Variants in LRP1B observed in about 807,000 individuals in gnomAD.
The protein encoded by LRP1B is LDL receptor related protein 1B.
A neutral mutation model predicts 556.6 loss-of-function variants in LRP1B; 217 were observed. The observed-to-expected ratio is 0.39, with a 90% confidence interval of 0.35 to 0.44. LRP1B has a LOEUF of 0.44. Ranked by LOEUF, LRP1B falls within the 20% of genes least tolerant of loss-of-function variation. LRP1B has a pLI of 1.00. For synonymous variants in LRP1B, 2,047 were observed against 1,865.8 expected, an observed-to-expected ratio of 1.10 and a Z score of -2.50; for missense variants, 5,053 against 5,620.8, an observed-to-expected ratio of 0.90 and a Z score of 3.23.
Position 140,606,144 on chromosome 2 carries a change from A to G in LRP1B, c.6800-4505T>C, listed in dbSNP as rs374606560. Among the ~76,000 whole-genome samples, 41 of 152,210 alleles carry G rather than the reference A, an allele frequency of 2.7e-4. No homozygotes were observed. The East Asian group carries it at 7.3e-3, about 27-fold the overall frequency. On this transcript the variant is annotated intron_variant, in intron 41 of 90. Coordinates refer to ENST00000389484, the MANE Select transcript of LRP1B (RefSeq NM_018557.3). Reference sequence around the variant, plus strand: ...ACTGGTATATACAAAATCTTAAATAATTTAATAGAAATGTATACTCAGGAT... The same window carrying G: ...ACTGGTATATACAAAATCTTAAATAGTTTAATAGAAATGTATACTCAGGAT...
intron 7 of LRP1B, among the ~76,000 whole-genome samples, chr2:141,120,675 T>C (rs556267038): frequency 9.8e-4 from 149 of 152,182 alleles, no homozygotes; most frequent in African/African-American, 3.4e-3. Flanking sequence ...TTTAAAGTTT[T>C]ATAATTTTAT....
At chr2:141,991,059 T>C (rs1389165856) in intron 1 of LRP1B, among the ~76,000 whole-genome samples, 3 of 152,086 alleles carry the variant, frequency 2.0e-5, no homozygotes, top group Non-Finnish European at 4.4e-5. Context: ...CATCATATCA[T>C]ACTGAAGGCT....
rs779990606 is a variant in LRP1B, at chr2:141,188,532, T to C, written c.902A>G (p.Asp301Gly). Residue 301 changes from aspartate (D) to glycine (G), a missense_variant, in exon 7 of 91, where the codon GAC becomes GGC. By Grantham distance (94) the Asp-to-Gly change is moderately conservative. This residue lies in a region of LRP1B where 3,619 missense variants were observed against 3,931.9 expected (regional missense o/e 0.92). Transcript: ENST00000389484. ...AACAAAGATCCGGTCACCGACATGGTCCACAAAATAGAGATTTCGAGTGAG... is the reference window on the plus strand; with the variant it reads ...AACAAAGATCCGGTCACCGACATGGCCCACAAAATAGAGATTTCGAGTGAG... ...DWLTRNLYFV[D>G]HVGDRIFVCN... 21 of 1,612,772 alleles carry C rather than the reference T, an allele frequency of 1.3e-5. No individual in the cohort carries two copies. Among genetic ancestry groups the C allele is most frequent in the Non-Finnish European group, 1.6e-5 (19 of 1,179,226 alleles).
rs745524571 is a variant in LRP1B at position 140,291,320 on chromosome 2, T to TATAA, written c.12967+6487_12967+6488insTTAT. ...ATTTTATATATATATATATATATAT[T>TATAA]TTTATTATACTTTAAGTTCTAGGGT... On this transcript the variant is annotated intron_variant, in intron 84 of 90. Coordinates refer to ENST00000389484, the MANE Select transcript of LRP1B (RefSeq NM_018557.3). Among the ~76,000 whole-genome samples the TATAA allele has an allele frequency of 9.8e-4, 51 of 51,876 alleles. 4 individuals carry two copies. The highest frequency in any genetic ancestry group is 1.6e-3 in the Non-Finnish European group (41 of 25,858). The allele number at this position is 51,876 out of a possible 152,430, so 34.0% of individuals were successfully genotyped here. A position where few individuals can be genotyped will look rare whatever the true frequency, so the allele number is the denominator to read the frequency against.
chr2:141,222,974 CACAAG>C (rs756997202), intron 6 of LRP1B, among the ~76,000 whole-genome samples: 1 of 152,102 alleles, frequency 6.6e-6, no homozygotes, highest in Admixed American at 6.5e-5. Context: ...TGAAAACCAG[CACAAG>C]ACAAGGATGC....
intron 1 of LRP1B, among the ~76,000 whole-genome samples, chr2:141,861,900 A>C (rs1663970046): frequency 6.6e-6 from 1 of 151,952 alleles, no homozygotes; most frequent in Non-Finnish European, 1.5e-5. Flanking sequence ...ACTGCACTTT[A>C]GCCTGGGCAA....
At chr2:141,664,094 C>A (rs1352366251) in intron 2 of LRP1B, among the ~76,000 whole-genome samples, 1 of 152,100 alleles carries the variant, frequency 6.6e-6, no homozygotes, top group African/African-American at 2.4e-5. Flanking sequence ...ATACACAAAT[C>A]AATAAAAGTA....
chr2:141,185,888 A>G (rs2460116), intron 7 of LRP1B, among the ~76,000 whole-genome samples: 125,289 of 151,180 alleles, frequency 0.83, 53,164 homozygotes, highest in Non-Finnish European at 0.93. Context: ...AGACCAACCT[A>G]GCCAATGTGG....
At chr2:142,080,098 T>TA (rs11324880) in intron 1 of LRP1B, among the ~76,000 whole-genome samples, 154 of 149,354 alleles carry the variant, frequency 1.0e-3, no homozygotes, top group South Asian at 3.2e-3. Context: ...TATGAGTGGT[T>TA]AAAAAAAAAA....
intron 2 of LRP1B, among the ~76,000 whole-genome samples, chr2:141,489,542 T>G (rs1683255767): frequency 6.6e-6 from 1 of 151,968 alleles, no homozygotes; most frequent in Admixed American, 6.6e-5. Context: ...TTGGGAAAAT[T>G]AGTATATAAT....
chr2:140,596,689 A>G (rs568314705), intron 43 of LRP1B, among the ~76,000 whole-genome samples: 59 of 152,276 alleles, frequency 3.9e-4, no homozygotes, highest in South Asian at 2.7e-3. Flanking sequence ...AAGTGTTTTC[A>G]AATTTAGCAT....
intron 86 of LRP1B, among the ~76,000 whole-genome samples, chr2:140,248,676 T>C (rs757450615): frequency 1.6e-4 from 25 of 151,792 alleles, no homozygotes; most frequent in Non-Finnish European, 1.3e-4. Context: ...TGTTTGTTTT[T>C]TCTTTTTAAT....
rs1299763635 is a variant in LRP1B at position 140,748,323 on chromosome 2, TATATATTATATTC to T, written c.5758+20877_5758+20889del. Among the ~76,000 whole-genome samples, 37 of 124,762 alleles carry T rather than the reference TATATATTATATTC, an allele frequency of 3.0e-4. 1 individual carries two copies. Among genetic ancestry groups the T allele is most frequent in the East Asian group, 6.9e-4 (3 of 4,348 alleles). The allele number at this position is 124,762 out of a possible 152,430, so 81.8% of individuals were successfully genotyped here. ...ATTCATATATTATATTCATATATAA[TATATATTATATTC>T]ATATATTATATTCATATATAATATA... On this transcript the variant is annotated intron_variant, in intron 35 of 90. Coordinates refer to ENST00000389484, the MANE Select transcript of LRP1B (RefSeq NM_018557.3).
intron 3 of LRP1B, among the ~76,000 whole-genome samples, chr2:141,271,654 T>C (rs970629817): frequency 4.6e-5 from 7 of 151,512 alleles, no homozygotes; most frequent in African/African-American, 1.7e-4. Flanking sequence ...TTTACAAAAT[T>C]AGAATTCAAA....
intron 2 of LRP1B, among the ~76,000 whole-genome samples, chr2:141,563,507 G>A (rs756320430): frequency 3.3e-5 from 5 of 151,982 alleles, no homozygotes; most frequent in Non-Finnish European, 5.9e-5. Context: ...AAATACAACA[G>A]AATGTCAGTA....
intron 2 of LRP1B, among the ~76,000 whole-genome samples, chr2:141,703,718 G>C (rs1421049126): frequency 6.6e-6 from 1 of 151,952 alleles, no homozygotes; most frequent in Non-Finnish European, 1.5e-5. Flanking sequence ...CACATCCTGA[G>C]TTTAGCACCT....
chr2:141,269,530 A>C (rs1411258710), intron 3 of LRP1B, among the ~76,000 whole-genome samples: 5 of 152,206 alleles, frequency 3.3e-5, no homozygotes, highest in Admixed American at 3.3e-4. Context: ...CACTGTCAAC[A>C]CAGGGTAATT....
At chr2:142,040,434 C>T (rs1704022841) in intron 1 of LRP1B, among the ~76,000 whole-genome samples, 1 of 151,346 alleles carries the variant, frequency 6.6e-6, no homozygotes, top group African/African-American at 2.4e-5. Context: ...AGCTCTCATA[C>T]AATCCCTTAT....
intron 30 of LRP1B, among the ~76,000 whole-genome samples, chr2:140,840,307 A>C (rs1315187770): frequency 6.6e-6 from 1 of 152,178 alleles, no homozygotes; most frequent in Admixed American, 6.5e-5. Context: ...TGAAGAAAAA[A>C]TATCTCACTT....
Sources: allele counts gnomAD v4.1 joint callset (sites outside exome capture counted in the v4.1 genomes callset), GRCh38; gene constraint gnomAD v4.1.1; regional missense constraint gnomAD v4.1.1; transcripts MANE v1.5; gene names NCBI Gene and HGNC (gene_info 2026-07-23, HGNC 2026-07-21).